The following C12orf42 variants were observed in gnomAD, a reference collection of about 807,000 sequenced individuals.
C12orf42 encodes the protein chromosome 12 open reading frame 42.
Under a neutral mutation model 21.6 loss-of-function variants are expected in C12orf42, and 25 were observed. The ratio of observed to expected loss-of-function variants is 1.16; its 90% confidence interval spans 0.84 to 1.62. C12orf42 has a LOEUF of 1.62. Among genes scored for constraint, C12orf42 ranks in the 40% most tolerant of loss-of-function variants. The pLI, the probability that C12orf42 is intolerant of heterozygous loss-of-function variation, is 0.00. For synonymous variants in C12orf42, 174 were observed against 175.0 expected (o/e 0.99, Z 0.05); for missense variants, 483 against 459.3 (o/e 1.05, Z -0.47).
chr12:103,153,582 A>G, the C12orf42 span, among the ~76,000 whole-genome samples: 43 of 152,286 alleles, frequency 2.8e-4, no homozygotes, highest in East Asian at 5.2e-3. Flanking sequence ...AGGTGCTCAA[A>G]TTCATTTATA....
intron 4 of C12orf42, among the ~76,000 whole-genome samples, chr12:103,327,922 A>G (rs537016388): frequency 2.2e-4 from 34 of 152,308 alleles, no homozygotes; most frequent in African/African-American, 8.2e-4. Flanking sequence ...ATCCAACTCA[A>G]ATGGGCTTGA....
chr12:103,060,596 C>G, the C12orf42 span, among the ~76,000 whole-genome samples: 514 of 152,222 alleles, frequency 3.4e-3, 1 homozygote, highest in African/African-American at 0.012. Flanking sequence ...CTACAGTAAC[C>G]AAAACAGCAT....
the C12orf42 span, among the ~76,000 whole-genome samples, chr12:103,181,287 A>T: frequency 7.2e-5 from 11 of 151,830 alleles, no homozygotes; most frequent in East Asian, 3.9e-4. Context: ...AGTAAAAATT[A>T]AAAAAAATAA....
the C12orf42 span, among the ~76,000 whole-genome samples, chr12:103,075,971 T>C: frequency 6.6e-6 from 1 of 152,012 alleles, no homozygotes; most frequent in Non-Finnish European, 1.5e-5. Context: ...GGAAAGTAAT[T>C]GAGTTTGGTT....
At chr12:103,491,444 C>T (rs1010690669) in intron 1 of C12orf42, among the ~76,000 whole-genome samples, 2 of 152,138 alleles carry the variant, frequency 1.3e-5, no homozygotes, top group Non-Finnish European at 2.9e-5. Context: ...AATATAGAAA[C>T]AAACACTCCT....
intron 2 of C12orf42, among the ~76,000 whole-genome samples, chr12:103,473,628 G>A (rs541613388): frequency 1.3e-5 from 2 of 152,266 alleles, no homozygotes; most frequent in South Asian, 4.2e-4. Flanking sequence ...CTAGACAATT[G>A]TTATTTGTTT....
chr12:103,552,960 C>T, the C12orf42 span, among the ~76,000 whole-genome samples: 49 of 152,254 alleles, frequency 3.2e-4, no homozygotes, highest in African/African-American at 1.1e-3. Flanking sequence ...AACTCACTCA[C>T]TATCATGAGA....
the C12orf42 span, among the ~76,000 whole-genome samples, chr12:103,060,317 A>T: frequency 6.6e-6 from 1 of 152,202 alleles, no homozygotes. Context: ...TGCTCAAGGA[A>T]ATAAGAGAGG....
chr12:103,331,731 C>T (rs1478720146), intron 4 of C12orf42, among the ~76,000 whole-genome samples: 1 of 152,130 alleles, frequency 6.6e-6, no homozygotes, highest in African/African-American at 2.4e-5. Context: ...GACCACGCAG[C>T]GCGGCAGCCG....
intron 2 of C12orf42, among the ~76,000 whole-genome samples, chr12:103,465,122 T>C (rs1456467239): frequency 6.6e-6 from 1 of 152,222 alleles, no homozygotes; most frequent in Admixed American, 6.5e-5. Flanking sequence ...AAGTAGTTTC[T>C]TCTAATTCTG....
At chr12:103,242,104 C>T (rs547176636) in intron 10 of C12orf42, among the ~76,000 whole-genome samples, 5 of 152,256 alleles carry the variant, frequency 3.3e-5, no homozygotes, top group African/African-American at 9.6e-5. Flanking sequence ...TTCATTGGCT[C>T]ATGGAGTCAA....
At chr12:103,273,559 T>G (rs1424044000) in intron 5 of C12orf42, among the ~76,000 whole-genome samples, 1 of 152,202 alleles carries the variant, frequency 6.6e-6, no homozygotes, top group African/African-American at 2.4e-5. Flanking sequence ...CTCACTTTCC[T>G]GTCATTATCC....
chr12:103,257,596 G>T (rs1424029233), intron 10 of C12orf42, among the ~76,000 whole-genome samples: 1 of 145,364 alleles, frequency 6.9e-6, no homozygotes, highest in East Asian at 2.1e-4. Flanking sequence ...TTTTGAAAAT[G>T]AAGACTAAAC....
chr12:103,462,130 A>G (rs1306846418), intron 2 of C12orf42, among the ~76,000 whole-genome samples: 6 of 10,480 alleles, frequency 5.7e-4, no homozygotes, highest in Non-Finnish European at 1.2e-3. Context: ...TTTTTGAGAC[A>G]GAGTTTCGCT....
chr12:103,439,656 A>G (rs894066553), intron 2 of C12orf42, among the ~76,000 whole-genome samples: 1 of 151,414 alleles, frequency 6.6e-6, no homozygotes, highest in African/African-American at 2.4e-5. Flanking sequence ...CACATGAAAA[A>G]ATGCTCATCA....
the C12orf42 span, chr12:103,558,807 T>C: frequency 6.6e-6 from 1 of 152,316 alleles, no homozygotes; most frequent in East Asian, 1.9e-4. Flanking sequence ...GAGAGACTGA[T>C]GTTAAACAAA....
In C12orf42 at chr12:103,478,410, C is replaced by T; in HGVS notation, c.17G>A (p.Cys6Tyr). 2.5e-6 allele frequency: 4 copies of T among 1,594,402 alleles called. No homozygotes were observed. The highest frequency in any genetic ancestry group is 3.4e-6 in the Non-Finnish European group (4 of 1,167,288). Reference protein sequence around the residue: MSTVICMKQREEEFLL... With the variant: MSTVIYMKQREEEFLL... ...GAATTCTTCTTCCCTTTGTTTCATA[C>T]ATATCACTGTAGACATTAATTTGAC... The change falls in exon 2 of 6, where the codon TGT (cysteine) becomes TAT (tyrosine). Residue 6 changes from cysteine (C) to tyrosine (Y), a missense_variant. Physicochemically the swap from Cys to Tyr is radical, Grantham distance 194. Transcript: ENST00000548883.
chr12:103,320,896 TA>T (rs1180240669), intron 4 of C12orf42, among the ~76,000 whole-genome samples: 6 of 151,734 alleles, frequency 4.0e-5, no homozygotes, highest in South Asian at 4.2e-4. Context: ...ATACCTTTTT[TA>T]AAAAAAAATA....
the C12orf42 span, among the ~76,000 whole-genome samples, chr12:103,059,551 T>C: frequency 6.6e-6 from 1 of 152,216 alleles, no homozygotes; most frequent in Non-Finnish European, 1.5e-5. Context: ...CCAATGTCCC[T>C]GATGAAAATC....
Sources: gnomAD v4.1 joint callset for allele counts (sites outside exome capture counted in the v4.1 genomes callset) on GRCh38, gnomAD v4.1.1 for gene constraint, MANE v1.5 for transcripts, NCBI Gene and HGNC (gene_info 2026-07-23, HGNC 2026-07-21) for gene names.